Variants in DGKK observed in about 807,000 individuals in gnomAD.
DGKK encodes diacylglycerol kinase kappa, also known as 142 kDa diacylglycerol kinase.
Under a neutral mutation model 92.2 loss-of-function variants are expected in DGKK, and 35 were observed. That is an observed-to-expected ratio of 0.38 (90% CI 0.29 to 0.50). The LOEUF (loss-of-function observed/expected upper bound fraction) is 0.50. Among genes scored for constraint, DGKK ranks in the 20% least tolerant of loss-of-function variants. The probability of loss-of-function intolerance (pLI) is 0.92; values close to 1 mark genes in which losing one functional copy is unlikely to be tolerated. For synonymous variants in DGKK, 368 were observed against 360.6 expected, an observed-to-expected ratio of 1.02 and a Z score of -0.23; for missense variants, 910 against 992.2, an observed-to-expected ratio of 0.92 and a Z score of 1.11.
intron 1 of DGKK, among the ~76,000 whole-genome samples, chrX:50,455,775 A>G (rs1027803199): frequency 5.4e-5 from 6 of 111,929 alleles, no homozygotes; most frequent in Non-Finnish European, 1.1e-4. Flanking sequence ...AAAAAATTAC[A>G]CATTCTTTCT....
At position 50,404,196 on chromosome X, in the gene DGKK, A is replaced by G; in HGVS notation, c.943-12T>C. On this transcript the variant is annotated splice_polypyrimidine_tract_variant and intron_variant, in intron 4 of 27. Coordinates refer to ENST00000611977, the MANE Select transcript of DGKK (RefSeq NM_001013742.4). Reference sequence around the variant, plus strand: ...TCTGCTGCAGGTATCTAAAATAAATAAACGAGAAGAGAGAATGGAGGATGA... The same window carrying G: ...TCTGCTGCAGGTATCTAAAATAAATGAACGAGAAGAGAGAATGGAGGATGA... 8.4e-7 allele frequency: 1 copy of G among 1,195,521 alleles called. No homozygotes were observed. Among genetic ancestry groups the G allele is most frequent in the South Asian group, 1.9e-5 (1 of 53,938 alleles).
chrX:50,428,653 T>C (rs59420004), intron 1 of DGKK, among the ~76,000 whole-genome samples: 5,233 of 111,663 alleles, frequency 0.047, 204 homozygotes, highest in African/African-American at 0.13. Context: ...CAATGCCTCC[T>C]TTCGCAGGGT....
intron 2 of DGKK, 90 bp downstream of exon 2, chrX:50,424,158 T>C: frequency 1.2e-6 from 1 of 832,253 alleles, no homozygotes; most frequent in Non-Finnish European, 1.7e-6. Flanking sequence ...TAATGTTTGC[T>C]GACATGTCTT....
Position 50,470,298 on chromosome X carries a change from T to C in DGKK, c.381A>G (p.Pro127=). The change falls in exon 1 of 28, where the codon CCA becomes CCG. Residue 127 remains proline, a synonymous_variant. Coordinates refer to ENST00000611977, the MANE Select transcript of DGKK (RefSeq NM_001013742.4). ...CTGGGACCGACTCTAGGGCAGGTTC[T>C]GGAGTCGGCTCTGGGGCAGACTCTG... ...PATESAPEPT[P]EPALESVPEP... 2.5e-6 allele frequency: 3 copies of C among 1,207,892 alleles called. No individual in the cohort carries two copies. The highest frequency in any genetic ancestry group is 2.2e-6 in the Non-Finnish European group (2 of 893,632).
intron 4 of DGKK, among the ~76,000 whole-genome samples, chrX:50,408,513 G>T (rs782606974): frequency 6.0e-4 from 67 of 110,857 alleles, no homozygotes; most frequent in African/African-American, 2.0e-3. Context: ...CTAGTAGCTG[G>T]GACTACAGGC....
chrX:50,442,324 A>G (rs1170565925), intron 1 of DGKK, among the ~76,000 whole-genome samples: 3 of 111,857 alleles, frequency 2.7e-5, no homozygotes, highest in African/African-American at 9.7e-5. Flanking sequence ...ATGTGTTTTG[A>G]TTAGTCATGC....
chrX:50,375,781 G>T (rs4076065), intron 24 of DGKK, among the ~76,000 whole-genome samples: 36,689 of 110,364 alleles, frequency 0.33, 5,438 homozygotes, highest in African/African-American at 0.55. Context: ...GCTGGTGGGA[G>T]GGATGGCTAT....
chrX:50,443,105 A>G (rs1926206608), intron 1 of DGKK, among the ~76,000 whole-genome samples: 1 of 111,757 alleles, frequency 8.9e-6, no homozygotes, highest in Non-Finnish European at 1.9e-5. Flanking sequence ...AACTTTTGTC[A>G]TATTCTGTTG....
chrX:50,466,258 GA>G (rs1557233982), intron 1 of DGKK, among the ~76,000 whole-genome samples: 1 of 110,260 alleles, frequency 9.1e-6, no homozygotes. Flanking sequence ...AAGGAGGGGG[GA>G]AAAACTGAAG....
intron 1 of DGKK, among the ~76,000 whole-genome samples, chrX:50,435,221 G>A (rs1391041746): frequency 8.9e-6 from 1 of 112,482 alleles, no homozygotes; most frequent in Non-Finnish European, 1.9e-5. Flanking sequence ...AACTTATTTG[G>A]CTACAACTCA....
chrX:50,444,227 A>C (rs1557231553), intron 1 of DGKK, among the ~76,000 whole-genome samples: 1 of 111,964 alleles, frequency 8.9e-6, no homozygotes, highest in Non-Finnish European at 1.9e-5. Flanking sequence ...ATGTTAACAA[A>C]AAAACTGGCA....
intron 1 of DGKK, among the ~76,000 whole-genome samples, chrX:50,446,422 T>C (rs1926308342): frequency 9.0e-6 from 1 of 111,435 alleles, no homozygotes; most frequent in Non-Finnish European, 1.9e-5. Context: ...TTCTAATAGG[T>C]GTATGGTGAC....
intron 17 of DGKK, among the ~76,000 whole-genome samples, chrX:50,383,320 GT>G (rs1434968434): frequency 5.4e-5 from 6 of 111,707 alleles, no homozygotes; most frequent in Middle Eastern, 4.2e-3. Context: ...AGAGGAGGTT[GT>G]TAAACACTTT....
intron 1 of DGKK, among the ~76,000 whole-genome samples, chrX:50,433,442 A>G (rs781888538): frequency 8.9e-6 from 1 of 111,777 alleles, no homozygotes; most frequent in East Asian, 2.8e-4. Context: ...CTATAACTGC[A>G]GCCATTGAGA....
At chrX:50,421,061 G>A (rs1925573558) in intron 3 of DGKK, among the ~76,000 whole-genome samples, 1 of 111,931 alleles carries the variant, frequency 8.9e-6, no homozygotes, top group South Asian at 3.8e-4. Flanking sequence ...GGGTGTCCCT[G>A]TTTCTGTTTA....
intron 4 of DGKK, among the ~76,000 whole-genome samples, chrX:50,414,018 T>C (rs1220395209): frequency 8.9e-6 from 1 of 112,338 alleles, no homozygotes; most frequent in African/African-American, 3.2e-5. Context: ...AATGGAATGC[T>C]ATTCAGCATT....
chrX:50,467,805 T>C (rs985031177), intron 1 of DGKK, among the ~76,000 whole-genome samples: 2 of 112,640 alleles, frequency 1.8e-5, no homozygotes, highest in Middle Eastern at 4.6e-3. Flanking sequence ...CAGAGAGCAA[T>C]TGCATAGCAA....
intron 1 of DGKK, among the ~76,000 whole-genome samples, chrX:50,437,485 T>C (rs1557230880): frequency 8.9e-6 from 1 of 112,314 alleles, no homozygotes; most frequent in African/African-American, 3.2e-5. Context: ...GAATCCTAAA[T>C]GGCCACTAAC....
intron 6 of DGKK, 95 bp from the exon 7 acceptor site, chrX:50,403,278 T>C (rs1925058013): frequency 6.6e-6 from 7 of 1,057,799 alleles, no homozygotes; most frequent in Non-Finnish European, 8.8e-6. Context: ...TGGAGGACAT[T>C]AGGTAAATGA....
Sources: gnomAD v4.1 joint callset for allele counts (sites outside exome capture counted in the v4.1 genomes callset) on GRCh38, gnomAD v4.1.1 for gene constraint, MANE v1.5 for transcripts, NCBI Gene and HGNC (gene_info 2026-07-23, HGNC 2026-07-21) for gene names.